Variants in SNAPC1 observed in about 807,000 individuals in gnomAD.
SNAPC1 encodes the protein small nuclear RNA activating complex polypeptide 1.
In SNAPC1, 42 loss-of-function variants were observed where a neutral mutation model predicts 50.1. The observed-to-expected ratio is 0.84, with a 90% confidence interval of 0.65 to 1.08. The LOEUF is 1.08. Ranked by LOEUF, SNAPC1 falls within the 50% of genes least tolerant of loss-of-function variation. The pLI, the probability that SNAPC1 is intolerant of heterozygous loss-of-function variation, is 0.00. For synonymous variants in SNAPC1, 164 were observed against 144.2 expected (o/e 1.14, Z -0.98); for missense variants, 477 against 427.3 (o/e 1.12, Z -1.02).
At chr14:61,777,479 G>C (rs1403564099) in intron 5 of SNAPC1, among the ~76,000 whole-genome samples, 1 of 152,186 alleles carries the variant, frequency 6.6e-6, no homozygotes. Flanking sequence ...CCAGGCTTAA[G>C]TGATCCACCC....
chr14:61,790,889 T>G (rs1212124834), intron 8 of SNAPC1, among the ~76,000 whole-genome samples: 1 of 152,248 alleles, frequency 6.6e-6, no homozygotes, highest in Non-Finnish European at 1.5e-5. Flanking sequence ...TCAGTAGTGG[T>G]CTATTACTGA....
At chr14:61,767,375 G>T (rs200355682) in intron 3 of SNAPC1, 23 bp downstream of exon 3, 136 of 1,389,584 alleles carry the variant, frequency 9.8e-5, no homozygotes, top group South Asian at 4.3e-4. Context: ...AAATAATTTG[G>T]TTTTTTCAAA....
chr14:61,779,966 C>G (rs1200390209), intron 7 of SNAPC1, among the ~76,000 whole-genome samples: 1 of 152,146 alleles, frequency 6.6e-6, no homozygotes, highest in Non-Finnish European at 1.5e-5. Context: ...GCCTTGGCCT[C>G]CCAAAGTGCT....
intron 9 of SNAPC1, among the ~76,000 whole-genome samples, chr14:61,793,706 G>C (rs1695995297): frequency 6.9e-6 from 1 of 144,518 alleles, no homozygotes; most frequent in African/African-American, 2.6e-5. Flanking sequence ...ACCCAGGCTG[G>C]AGTGCAATGG....
At chr14:61,763,486 C>T (rs979858879) in intron 1 of SNAPC1, among the ~76,000 whole-genome samples, 1 of 97,988 alleles carries the variant, frequency 1.0e-5, no homozygotes, top group African/African-American at 3.7e-5. Context: ...CCAGCAGCTG[C>T]TTTTTTTTTT....
intron 3 of SNAPC1, 55 bp downstream of exon 3, chr14:61,767,407 T>A (rs748102276): frequency 1.7e-5 from 19 of 1,136,532 alleles, no homozygotes; most frequent in Non-Finnish European, 2.2e-5. Context: ...TACTTTATTG[T>A]CCATAAAACC....
chr14:61,777,560 G>T (rs1280038472), intron 5 of SNAPC1, among the ~76,000 whole-genome samples: 2 of 151,170 alleles, frequency 1.3e-5, no homozygotes, highest in Non-Finnish European at 2.9e-5. Context: ...TTTGTTTTTT[G>T]TAGAGACAGG....
intron 7 of SNAPC1, among the ~76,000 whole-genome samples, chr14:61,780,192 C>G (rs1473251900): frequency 6.6e-6 from 1 of 152,130 alleles, no homozygotes; most frequent in Non-Finnish European, 1.5e-5. Flanking sequence ...GCCCAGCTGC[C>G]AATGTTTTGG....
At chr14:61,783,986 C>A (rs2045097057) in intron 8 of SNAPC1, among the ~76,000 whole-genome samples, 2 of 152,174 alleles carry the variant, frequency 1.3e-5, no homozygotes, top group Non-Finnish European at 2.9e-5. Flanking sequence ...TCACTCTCAA[C>A]TACTGCAGGT....
chr14:61,778,969 A>C, intron 7 of SNAPC1, 59 bp downstream of exon 7: 2 of 961,938 alleles, frequency 2.1e-6, no homozygotes, highest in Admixed American at 4.8e-5. Flanking sequence ...TTATATTTCA[A>C]TTTTTCATCA....
At chr14:61,774,662 T>C (rs1285259928) in intron 4 of SNAPC1, among the ~76,000 whole-genome samples, 3 of 142,596 alleles carry the variant, frequency 2.1e-5, no homozygotes, top group Middle Eastern at 3.3e-3. Context: ...TTTTTTTTTT[T>C]TTTTTTTTTT....
At chr14:61,787,248 A>G (rs1169154357) in intron 8 of SNAPC1, among the ~76,000 whole-genome samples, 1 of 152,244 alleles carries the variant, frequency 6.6e-6, no homozygotes, top group Non-Finnish European at 1.5e-5. Flanking sequence ...ACTTCTCTGT[A>G]TAGCAAAAAT....
intron 8 of SNAPC1, among the ~76,000 whole-genome samples, 157 bp from the exon 9 acceptor site, chr14:61,792,650 A>T (rs1391177807): frequency 6.6e-6 from 1 of 152,240 alleles, no homozygotes; most frequent in Non-Finnish European, 1.5e-5. Context: ...TTGAAAAAAT[A>T]TAGGTATTCT....
At chr14:61,784,190 A>AT (rs2045098507) in intron 8 of SNAPC1, among the ~76,000 whole-genome samples, 1 of 152,138 alleles carries the variant, frequency 6.6e-6, no homozygotes, top group Non-Finnish European at 1.5e-5. Context: ...TCAAAAGGAG[A>AT]TTTTTCTACT....
At chr14:61,763,507 C>CTTTTTTTTT (rs1566586009) in intron 1 of SNAPC1, among the ~76,000 whole-genome samples, 1 of 70,278 alleles carries the variant, frequency 1.4e-5, no homozygotes, top group African/African-American at 5.7e-5. Context: ...TTTTTTTTTT[C>CTTTTTTTTT]TTTGGGCCCT....
At chr14:61,784,561 C>A (rs993322623) in intron 8 of SNAPC1, among the ~76,000 whole-genome samples, 2 of 152,142 alleles carry the variant, frequency 1.3e-5, no homozygotes, top group African/African-American at 2.4e-5. Context: ...GTTTCTGTCA[C>A]AACTACTCAG....
At chr14:61,791,169 GC>G (rs2045149939) in intron 8 of SNAPC1, among the ~76,000 whole-genome samples, 1 of 151,822 alleles carries the variant, frequency 6.6e-6, no homozygotes, top group Admixed American at 6.6e-5. Context: ...CCACCACCAT[GC>G]CCAGCTAATT....
intron 1 of SNAPC1, among the ~76,000 whole-genome samples, chr14:61,764,860 C>T (rs2044935166): frequency 1.3e-5 from 2 of 152,030 alleles, no homozygotes; most frequent in Admixed American, 1.3e-4. Flanking sequence ...ATTTGAAGAC[C>T]CAAAATGTCC....
chr14:61,763,531 C>T (rs1381114813), intron 1 of SNAPC1, among the ~76,000 whole-genome samples: 1 of 136,886 alleles, frequency 7.3e-6, no homozygotes, highest in Non-Finnish European at 1.5e-5. Flanking sequence ...CAGGCTTTTC[C>T]TAATCCTGGA....
Sources: gnomAD v4.1 joint callset for allele counts (sites outside exome capture counted in the v4.1 genomes callset) on GRCh38, gnomAD v4.1.1 for gene constraint, MANE v1.5 for transcripts, NCBI Gene and HGNC (gene_info 2026-07-23, HGNC 2026-07-21) for gene names.